NTRK2: variants seen among roughly 807,000 people sequenced by gnomAD.
NTRK2 encodes neurotrophic receptor tyrosine kinase 2.
A neutral mutation model predicts 94.5 loss-of-function variants in NTRK2; 13 were observed. That is an observed-to-expected ratio of 0.14 (90% CI 0.09 to 0.22). The LOEUF (loss-of-function observed/expected upper bound fraction) is 0.22, where lower values mean the gene tolerates loss of function less well. NTRK2 is among the 10% of genes least tolerant of loss of function. The pLI, the probability that NTRK2 is intolerant of heterozygous loss-of-function variation, is 1.00. For synonymous variants in NTRK2, 372 were observed against 407.4 expected (o/e 0.91, Z 1.05); for missense variants, 639 against 1,071.2 (o/e 0.60, Z 5.63).
chr9:84,860,137 T>A (rs530191567), intron 12 of NTRK2, among the ~76,000 whole-genome samples: 1 of 152,292 alleles, frequency 6.6e-6, no homozygotes, highest in East Asian at 1.9e-4. Flanking sequence ...AAAATGTCTG[T>A]AAAAATTATG....
At chr9:84,710,528 C>T in intron 5 of NTRK2, 109 bp from the exon 6 acceptor site, 2 of 1,176,386 alleles carry the variant, frequency 1.7e-6, no homozygotes, top group Non-Finnish European at 2.5e-6. Context: ...GTATGACTTC[C>T]AAGCATTGCT....
chr9:84,950,152 G>A (rs776312360), intron 16 of NTRK2, among the ~76,000 whole-genome samples: 7 of 152,180 alleles, frequency 4.6e-5, no homozygotes, highest in Non-Finnish European at 1.0e-4. Context: ...GCGTAGGAGC[G>A]AATGGGGAAC....
At chr9:84,670,269 T>G (rs1164917935) in intron 1 of NTRK2, 108 bp from the exon 2 acceptor site, 1 of 256,270 alleles carries the variant, frequency 3.9e-6, no homozygotes, top group Non-Finnish European at 7.4e-6. Context: ...ATCCACAGTC[T>G]CCGGGCTGGG....
intron 6 of NTRK2, among the ~76,000 whole-genome samples, chr9:84,715,243 A>T (rs1339098578): frequency 6.6e-6 from 1 of 152,236 alleles, no homozygotes; most frequent in Non-Finnish European, 1.5e-5. Context: ...AATTAAAAAT[A>T]ACTTACATAC....
At chr9:84,706,683 C>T (rs1047937262) in intron 4 of NTRK2, among the ~76,000 whole-genome samples, 1 of 151,834 alleles carries the variant, frequency 6.6e-6, no homozygotes, top group Admixed American at 6.6e-5. Flanking sequence ...GTGCCCGCCA[C>T]CGCCTGGCTA....
intron 6 of NTRK2, among the ~76,000 whole-genome samples, chr9:84,722,611 G>C (rs886395268): frequency 5.9e-5 from 9 of 152,084 alleles, no homozygotes; most frequent in Non-Finnish European, 2.9e-5. Flanking sequence ...AGAGGGACAG[G>C]CTCCACTAGC....
chr9:84,959,484 T>C (rs912818327), intron 17 of NTRK2, among the ~76,000 whole-genome samples: 4 of 152,156 alleles, frequency 2.6e-5, no homozygotes, highest in Non-Finnish European at 5.9e-5. Flanking sequence ...TCTGTGCAAT[T>C]CATGGCAGGA....
Position 84,845,824 on chromosome 9 carries a change from A to G in NTRK2, c.1397-15216A>G, listed in dbSNP as rs535620167. ...AAAGACAGCATATTGGGTACAGTGT[A>G]CACTGCTTGGGTGATGGGTGCACTA... On this transcript the variant is annotated intron_variant, in intron 12 of 18. Coordinates refer to ENST00000277120, the MANE Select transcript of NTRK2 (RefSeq NM_006180.6). Among the ~76,000 whole-genome samples, 33 of 152,218 alleles carry G rather than the reference A, an allele frequency of 2.2e-4. 1 individual carries two copies. In the South Asian group the frequency reaches 5.4e-3, roughly 25 times the overall value.
intron 12 of NTRK2, among the ~76,000 whole-genome samples, chr9:84,837,895 C>G (rs868090291): frequency 6.6e-6 from 1 of 152,144 alleles, no homozygotes; most frequent in Non-Finnish European, 1.5e-5. Context: ...CCATTAATAT[C>G]TGAAGCAACA....
intron 14 of NTRK2, among the ~76,000 whole-genome samples, chr9:84,897,356 C>T (rs562552012): frequency 1.2e-4 from 19 of 152,184 alleles, no homozygotes; most frequent in Non-Finnish European, 2.4e-4. Flanking sequence ...AGGATGGTCT[C>T]GATCTCCTGA....
intron 2 of NTRK2, among the ~76,000 whole-genome samples, chr9:84,699,240 G>A (rs2060574521): frequency 1.3e-5 from 2 of 152,056 alleles, no homozygotes; most frequent in South Asian, 4.2e-4. Context: ...GTTTCACCAT[G>A]TTAGCCAGGA....
intron 12 of NTRK2, among the ~76,000 whole-genome samples, chr9:84,763,317 A>G (rs2065753795): frequency 1.3e-5 from 2 of 152,044 alleles, no homozygotes; most frequent in African/African-American, 4.8e-5. Context: ...GACAGGTTAT[A>G]GACTCTTCCT....
intron 17 of NTRK2, among the ~76,000 whole-genome samples, chr9:84,996,764 A>G (rs915975049): frequency 1.3e-5 from 2 of 152,248 alleles, no homozygotes; most frequent in African/African-American, 4.8e-5. Context: ...AGATGAAAAG[A>G]AAGAATAGAG....
chr9:84,786,092 C>G (rs1283269124), intron 12 of NTRK2, among the ~76,000 whole-genome samples: 1 of 152,226 alleles, frequency 6.6e-6, no homozygotes, highest in Non-Finnish European at 1.5e-5. Flanking sequence ...CATTCAGCCA[C>G]TGTATGAGCC....
chr9:84,794,112 G>A (rs1274408492), intron 12 of NTRK2, among the ~76,000 whole-genome samples: 1 of 152,208 alleles, frequency 6.6e-6, no homozygotes, highest in Non-Finnish European at 1.5e-5. Flanking sequence ...GTGTTGACGT[G>A]TATATCTGCC....
chr9:84,877,219 T>C (rs987321692), intron 14 of NTRK2: 26 of 1,065,582 alleles, frequency 2.4e-5, no homozygotes, highest in Non-Finnish European at 2.8e-5. Context: ...TTCATCGGCA[T>C]AGTTCTTGGC....
intron 14 of NTRK2, among the ~76,000 whole-genome samples, chr9:84,896,202 T>A (rs1412487467): frequency 6.6e-6 from 1 of 152,232 alleles, no homozygotes; most frequent in African/African-American, 2.4e-5. Flanking sequence ...GATAATTTCA[T>A]CATTAGGGTG....
rs545350786 is a variant in NTRK2, at chr9:84,697,455, C to T, written c.213-4704C>T. 2.0e-5 allele frequency among the ~76,000 whole-genome samples: 3 copies of T among 152,262 alleles called. No individual in the cohort carries two copies. In the South Asian group the frequency reaches 6.2e-4, roughly 32 times the overall value. ...CCACTGCTCCCTTGAGGGAATGGCACCCTTTTTGGAGATGTGTTTTATTAA... is the reference window on the plus strand; with the variant it reads ...CCACTGCTCCCTTGAGGGAATGGCATCCTTTTTGGAGATGTGTTTTATTAA... On this transcript the variant is annotated intron_variant, in intron 2 of 18. Transcript: ENST00000277120.
chr9:85,025,641 A>G lies in NTRK2; in HGVS notation c.*4204A>G, dbSNP rs138690939. 1.7e-4 allele frequency: 39 copies of G among 233,232 alleles called. No individual in the cohort carries two copies. The highest frequency in any genetic ancestry group is 6.2e-4 in the African/African-American group (28 of 45,466). The allele number at this position is 233,232 out of a possible 1,614,324, so 14.4% of individuals were successfully genotyped here. On this transcript the variant is annotated 3_prime_UTR_variant, in exon 19 of 19. Coordinates refer to ENST00000277120, the MANE Select transcript of NTRK2 (RefSeq NM_006180.6). Reference sequence around the variant, plus strand: ...ATTGTTGTATCTAACTAAATAAATGACTGCATATACACACATACCCTCAAT... The same window carrying G: ...ATTGTTGTATCTAACTAAATAAATGGCTGCATATACACACATACCCTCAAT...
Sources: allele counts gnomAD v4.1 joint callset (sites outside exome capture counted in the v4.1 genomes callset), GRCh38; gene constraint gnomAD v4.1.1; transcripts MANE v1.5; gene names NCBI Gene and HGNC (gene_info 2026-07-23, HGNC 2026-07-21).